RIMS1: variants seen among roughly 807,000 people sequenced by gnomAD.
RIMS1 encodes the protein regulating synaptic membrane exocytosis protein 1.
RIMS1 carries 83 observed loss-of-function variants against 214.1 expected under a neutral mutation model. The observed-to-expected ratio is 0.39, with a 90% confidence interval of 0.32 to 0.47. The LOEUF is 0.47. Ranked by LOEUF, RIMS1 falls within the 20% of genes least tolerant of loss-of-function variation. RIMS1 has a pLI of 0.99. For synonymous variants in RIMS1, 793 were observed against 786.8 expected (o/e 1.01, Z -0.13); for missense variants, 2,050 against 2,161.8 (o/e 0.95, Z 1.03).
chr6:72,184,585 A>G (rs576096059), intron 6 of RIMS1, among the ~76,000 whole-genome samples: 1 of 152,336 alleles, frequency 6.6e-6, no homozygotes, highest in African/African-American at 2.4e-5. Flanking sequence ...TAGAGAATTT[A>G]ATGCCGGAAA....
intron 4 of RIMS1, among the ~76,000 whole-genome samples, chr6:72,102,820 C>A (rs575121961): frequency 6.6e-6 from 1 of 152,038 alleles, no homozygotes; most frequent in African/African-American, 2.4e-5. Context: ...AGAAAAATAA[C>A]CATTTTTAAA....
intron 28 of RIMS1, among the ~76,000 whole-genome samples, chr6:72,327,656 C>G (rs908632669): frequency 6.6e-6 from 1 of 151,730 alleles, no homozygotes; most frequent in African/African-American, 2.4e-5. Flanking sequence ...TCCAGTTTCT[C>G]CTAATTCTAG....
chr6:72,255,489 A>C (rs72931855), intron 16 of RIMS1, among the ~76,000 whole-genome samples: 31,029 of 152,192 alleles, frequency 0.2, 3,998 homozygotes, highest in Non-Finnish European at 0.29. Flanking sequence ...TGTGTTTACT[A>C]TCTTTTTCCA....
intron 6 of RIMS1, among the ~76,000 whole-genome samples, chr6:72,232,151 A>G (rs1442364013): frequency 3.3e-5 from 5 of 151,574 alleles, no homozygotes; most frequent in South Asian, 2.1e-4. Flanking sequence ...TTTCTCTTCA[A>G]ATATCTCAGT....
intron 1 of RIMS1, among the ~76,000 whole-genome samples, chr6:71,929,720 C>A (rs1008759986): frequency 8.0e-5 from 12 of 150,912 alleles, no homozygotes; most frequent in Admixed American, 4.0e-4. Context: ...TATAAAAAAA[C>A]ATTTTTCTAA....
At chr6:72,025,773 A>G (rs1044656842) in intron 2 of RIMS1, among the ~76,000 whole-genome samples, 1 of 152,148 alleles carries the variant, frequency 6.6e-6, no homozygotes, top group Non-Finnish European at 1.5e-5. Flanking sequence ...AATTTCTATG[A>G]GTGGTTCAGG....
chr6:72,045,668 G>A (rs937207848), intron 2 of RIMS1, among the ~76,000 whole-genome samples: 3 of 151,850 alleles, frequency 2.0e-5, no homozygotes, highest in Admixed American at 6.6e-5. Flanking sequence ...ATAGGACATC[G>A]TATGTTTTAA....
intron 29 of RIMS1, among the ~76,000 whole-genome samples, chr6:72,361,171 C>T (rs890696205): frequency 3.0e-5 from 4 of 133,372 alleles, no homozygotes; most frequent in South Asian, 2.4e-4. Context: ...TACAGTGGCA[C>T]GACTCAGCTC....
At chr6:72,053,940 G>A (rs143538344) in intron 2 of RIMS1, among the ~76,000 whole-genome samples, 9 of 152,016 alleles carry the variant, frequency 5.9e-5, no homozygotes, top group African/African-American at 1.9e-4. Flanking sequence ...TTAAGTTCCA[G>A]GATACAAATG....
intron 6 of RIMS1, chr6:72,213,124 T>C (rs1365192697): frequency 1.3e-6 from 2 of 1,536,912 alleles, no homozygotes; most frequent in East Asian, 4.9e-5. Flanking sequence ...TTTGCTGTCA[T>C]GTGTGCACCT....
chr6:71,896,242 A>G (rs1562141676), intron 1 of RIMS1, among the ~76,000 whole-genome samples: 2 of 152,220 alleles, frequency 1.3e-5, no homozygotes, highest in African/African-American at 4.8e-5. Flanking sequence ...AATACAGTAA[A>G]GTCTTCTTAT....
rs182460124 is a variant in RIMS1 at position 72,002,554 on chromosome 6, T to A, written c.245+33491T>A. Among the ~76,000 whole-genome samples, 17 of 152,200 alleles carry A rather than the reference T, an allele frequency of 1.1e-4. No individual in the cohort carries two copies. The East Asian group carries it at 3.3e-3, about 29-fold the overall frequency. ...CTGCCACAGTGCTCCTATAAGCACA[T>A]CATCCCAGTCAGGGAAGCATGCGTG... On this transcript the variant is annotated intron_variant, in intron 2 of 33. Coordinates refer to ENST00000521978, the MANE Select transcript of RIMS1 (RefSeq NM_014989.7).
chr6:72,207,973 C>T (rs1266751775), intron 6 of RIMS1, among the ~76,000 whole-genome samples: 1 of 152,120 alleles, frequency 6.6e-6, no homozygotes, highest in Non-Finnish European at 1.5e-5. Flanking sequence ...TAAATCAAGA[C>T]TTATAATGGT....
intron 1 of RIMS1, among the ~76,000 whole-genome samples, chr6:71,940,995 A>T (rs1785933116): frequency 6.6e-6 from 1 of 152,156 alleles, no homozygotes; most frequent in Non-Finnish European, 1.5e-5. Context: ...TCTCATAGTC[A>T]GGAAGAAACT....
chr6:72,375,499 A>G (rs1273122814), intron 29 of RIMS1, among the ~76,000 whole-genome samples: 3 of 152,170 alleles, frequency 2.0e-5, no homozygotes, highest in Non-Finnish European at 2.9e-5. Flanking sequence ...CTGATGAACT[A>G]ACTTGTACCA....
intron 9 of RIMS1, among the ~76,000 whole-genome samples, chr6:72,238,653 C>T (rs2065326397): frequency 6.6e-6 from 1 of 152,050 alleles, no homozygotes; most frequent in African/African-American, 2.4e-5. Flanking sequence ...GTTGACTTGA[C>T]TGCAGAGCTT....
intron 2 of RIMS1, among the ~76,000 whole-genome samples, chr6:72,000,025 T>C (rs1212453773): frequency 6.6e-6 from 1 of 152,118 alleles, no homozygotes; most frequent in East Asian, 1.9e-4. Context: ...ATTTTTAGCA[T>C]TGATGAACTT....
chr6:71,959,620 A>T (rs528941433), intron 1 of RIMS1, among the ~76,000 whole-genome samples: 1 of 151,774 alleles, frequency 6.6e-6, no homozygotes, highest in South Asian at 2.1e-4. Context: ...TTTTTTTTTA[A>T]AGTGTGGACA....
At chr6:72,305,335 C>G (rs2095049605) in intron 26 of RIMS1, among the ~76,000 whole-genome samples, 1 of 152,010 alleles carries the variant, frequency 6.6e-6, no homozygotes, top group East Asian at 1.9e-4. Context: ...GTGGGCTAAT[C>G]AATGTCAACA....
Sources: allele counts gnomAD v4.1 joint callset (sites outside exome capture counted in the v4.1 genomes callset), GRCh38; gene constraint gnomAD v4.1.1; transcripts MANE v1.5; gene names NCBI Gene and HGNC (gene_info 2026-07-23, HGNC 2026-07-21).